PCM1: variants seen among roughly 807,000 people sequenced by gnomAD.
PCM1 encodes the protein pericentriolar material 1.
In PCM1, 157 loss-of-function variants were observed where a neutral mutation model predicts 241.9. The observed-to-expected ratio is 0.65, with a 90% CI of 0.57 to 0.74. The LOEUF (loss-of-function observed/expected upper bound fraction) is 0.74, where lower values mean the gene tolerates loss of function less well. PCM1 is among the 30% of genes least tolerant of loss of function. The pLI is 0.00. For missense variants in PCM1, 3,478 were observed against 2,360.1 expected, an observed-to-expected ratio of 1.47 and a Z score of -9.81; for synonymous variants, 1,085 against 784.9, an observed-to-expected ratio of 1.38 and a Z score of -6.39.
At chr8:18,001,843 T>G (rs2089538206) in intron 29 of PCM1, among the ~76,000 whole-genome samples, 2 of 152,030 alleles carry the variant, frequency 1.3e-5, no homozygotes. Context: ...GAAACTGCTT[T>G]CTCTGTATCT....
At chr8:17,929,711 G>A (rs925527618) in intron 2 of PCM1, among the ~76,000 whole-genome samples, 3 of 152,134 alleles carry the variant, frequency 2.0e-5, no homozygotes, top group African/African-American at 7.2e-5. Flanking sequence ...TATTCTGTGT[G>A]GGATACCTTC....
chr8:17,966,049 C>G lies in PCM1; in HGVS notation c.2906C>G (p.Ala969Gly), dbSNP rs761012234. ...FSADENYRPL[A>G]KTRQQNISMQ... ...GCAGATGAAAATTATCGTCCTTTAG[C>G]CAAGACAAGGCAACAGAATATCAGC... Residue 969 changes from alanine to glycine, a missense_variant, in exon 19 of 39, where the codon GCC becomes GGC. Ala to Gly is a moderately conservative substitution (Grantham distance 60). Coordinates refer to ENST00000325083, the MANE Select transcript of PCM1 (RefSeq NM_006197.4). 5 of 1,613,486 alleles carry G rather than the reference C, an allele frequency of 3.1e-6. No homozygotes were observed. The highest frequency in any genetic ancestry group is 2.2e-5 in the East Asian group (1 of 44,884).
intron 7 of PCM1, among the ~76,000 whole-genome samples, chr8:17,947,978 T>G (rs1455503529): frequency 6.6e-6 from 1 of 152,254 alleles, no homozygotes; most frequent in Non-Finnish European, 1.5e-5. Context: ...AGTCTAATTT[T>G]GTACGTTTAT....
intron 24 of PCM1, among the ~76,000 whole-genome samples, chr8:17,983,891 G>T (rs1468156436): frequency 6.6e-6 from 1 of 152,014 alleles, no homozygotes; most frequent in South Asian, 2.1e-4. Flanking sequence ...GGAATCTAAA[G>T]ATACAAAACA....
At position 17,985,997 on chromosome 8, in the gene PCM1, A is replaced by G. The variant is rs1319856058; in HGVS notation, c.4320A>G (p.Lys1440=). The change falls in exon 26 of 39, where the codon AAA becomes AAG. Residue 1440 remains lysine, a synonymous_variant. Coordinates refer to ENST00000325083, the MANE Select transcript of PCM1 (RefSeq NM_006197.4). ...GACATATTTCTGAGAGCCATGAAAAAGGAGAAAATGTAAAGTCAGTAAACT... is the reference window on the plus strand; with the variant it reads ...GACATATTTCTGAGAGCCATGAAAAGGGAGAAAATGTAAAGTCAGTAAACT... ...VSRHISESHE[K]GENVKSVNSG... is the part of the protein sequence containing the mutation. The G allele has an allele frequency of 1.9e-6, 3 of 1,587,260 alleles. No individual in the cohort carries two copies. The Admixed American group carries it at 5.1e-5, about 27-fold the overall frequency.
intron 36 of PCM1, 81 bp from the exon 37 acceptor site, chr8:18,025,276 TACTG>T (rs1255310493): frequency 1.3e-6 from 1 of 756,400 alleles, no homozygotes; most frequent in Non-Finnish European, 2.3e-6. Context: ...GTGATAGAAT[TACTG>T]AGAAAATAAT....
chr8:18,013,214 G>T (rs1198427370), intron 34 of PCM1, among the ~76,000 whole-genome samples: 1 of 152,132 alleles, frequency 6.6e-6, no homozygotes, highest in Non-Finnish European at 1.5e-5. Context: ...TGGGAATGGG[G>T]CTGAGGTCCC....
At chr8:17,929,106 T>C (rs1010882219) in intron 2 of PCM1, among the ~76,000 whole-genome samples, 2 of 152,168 alleles carry the variant, frequency 1.3e-5, no homozygotes, top group African/African-American at 4.8e-5. Context: ...ATTCCAGTTA[T>C]GGAATTGACC....
intron 26 of PCM1, among the ~76,000 whole-genome samples, chr8:17,987,138 T>C (rs1438586573): frequency 6.6e-6 from 1 of 151,932 alleles, no homozygotes; most frequent in African/African-American, 2.4e-5. Context: ...CTACATGGTT[T>C]TAATTAACTT....
At chr8:18,000,495 A>G (rs2088911865) in intron 29 of PCM1, among the ~76,000 whole-genome samples, 1 of 152,166 alleles carries the variant, frequency 6.6e-6, no homozygotes, top group African/African-American at 2.4e-5. Flanking sequence ...GGATATAGTT[A>G]GGAAATCAGT....
At chr8:17,962,958 A>T (rs2073170990) in intron 16 of PCM1, 143 bp from the exon 17 acceptor site, 1 of 603,928 alleles carries the variant, frequency 1.7e-6, no homozygotes, top group Non-Finnish European at 2.8e-6. Context: ...TTATTATTTT[A>T]ACCTTCATGG....
intron 28 of PCM1, among the ~76,000 whole-genome samples, chr8:17,992,577 G>A (rs1040239135): frequency 3.3e-5 from 5 of 150,914 alleles, no homozygotes; most frequent in African/African-American, 4.9e-5. Context: ...TCTTTTGAGA[G>A]GAGTTGTCTA....
intron 23 of PCM1, among the ~76,000 whole-genome samples, chr8:17,978,378 C>G (rs371925412): frequency 1.3e-5 from 2 of 152,018 alleles, no homozygotes; most frequent in South Asian, 4.2e-4. Context: ...TGTTGTCTAG[C>G]CAGGAGAGAA....
In PCM1 at chr8:18,014,713, C is replaced by A. The variant is rs762735237; in HGVS notation, c.5714C>A (p.Pro1905Gln). The part of the protein sequence containing the change: ...VDSTQQPNPL[P>Q]LRLPEMEPLV... ...TCAACTCAACAGCCTAACCCTTTGC[C>A]GTTACGTTTACCTGAAATGGAACCC... is the stretch of plus-strand genomic sequence containing the variant. The change falls in exon 36 of 39, where the codon CCG becomes CAG. Residue 1905 changes from proline (P) to glutamine (Q), a missense_variant. Pro to Gln is a moderately conservative substitution (Grantham distance 76). Coordinates refer to ENST00000325083, the MANE Select transcript of PCM1 (RefSeq NM_006197.4). 1.6e-5 allele frequency: 26 copies of A among 1,613,610 alleles called. No homozygotes were observed. Among genetic ancestry groups the A allele is most frequent in the African/African-American group, 1.2e-4 (9 of 74,906 alleles).
intron 29 of PCM1, among the ~76,000 whole-genome samples, chr8:17,999,801 T>G (rs140484845): frequency 6.6e-6 from 1 of 152,120 alleles, no homozygotes; most frequent in Non-Finnish European, 1.5e-5. Flanking sequence ...AGATGATTGG[T>G]GGAGGCTTCT....
chr8:17,957,754 A>T lies in PCM1; in HGVS notation c.2019A>T (p.Gln673His). 6.2e-7 allele frequency: 1 copy of T among 1,612,886 alleles called. No homozygotes were observed. Among genetic ancestry groups the T allele is most frequent in the Non-Finnish European group, 8.5e-7 (1 of 1,179,102 alleles). ...CAAAACAGAAACTTAGACAGTTACA[A>T]GATCTTGTTGCTATGGTACAGGTAA... is the stretch of plus-strand genomic sequence containing the variant. The part of the protein sequence containing the change: ...MAAKQKLRQL[Q>H]DLVAMVQDDD... The change falls in exon 13 of 39, where the codon CAA (glutamine) becomes CAT (histidine). Residue 673 changes from glutamine (Q) to histidine (H), a missense_variant. Transcript: ENST00000325083.
chr8:17,999,866 A>T (rs187662645), intron 29 of PCM1, among the ~76,000 whole-genome samples: 100 of 152,118 alleles, frequency 6.6e-4, no homozygotes, highest in African/African-American at 2.3e-3. Flanking sequence ...CACAACATTC[A>T]TTCCAAAATA....
At position 17,963,249 on chromosome 8, in the gene PCM1, G is replaced by A; in HGVS notation, c.2612G>A (p.Gly871Glu). The change falls in exon 17 of 39, where the codon GGA (glycine) becomes GAA (glutamate). Residue 871 changes from glycine (G) to glutamate (E), a missense_variant. Gly to Glu is a moderately conservative substitution (Grantham distance 98). Coordinates refer to ENST00000325083, the MANE Select transcript of PCM1 (RefSeq NM_006197.4). ...GTGGCTGTGTCATTGAGAAGTGATGGATCTGAGAACCTATGTACTCCTCAG... is the reference window on the plus strand; with the variant it reads ...GTGGCTGTGTCATTGAGAAGTGATGAATCTGAGAACCTATGTACTCCTCAG... ...SPVAVSLRSD[G>E]SENLCTPQQS... 3.1e-6 allele frequency: 5 copies of A among 1,612,984 alleles called. No homozygotes were observed. Among genetic ancestry groups the A allele is most frequent in the South Asian group, 1.1e-5 (1 of 90,858 alleles).
chr8:17,939,584 A>T (rs767916094), intron 5 of PCM1, 107 bp from the exon 6 acceptor site: 1 of 534,408 alleles, frequency 1.9e-6, no homozygotes, highest in Admixed American at 3.8e-5. Flanking sequence ...GTCTTTGGTT[A>T]TCTTCGAAAT....
Sources: allele counts gnomAD v4.1 joint callset (sites outside exome capture counted in the v4.1 genomes callset), GRCh38; gene constraint gnomAD v4.1.1; transcripts MANE v1.5; gene names NCBI Gene and HGNC (gene_info 2026-07-23, HGNC 2026-07-21).